The following SORCS3 variants were observed in gnomAD, a reference collection of about 807,000 sequenced individuals.
The protein encoded by SORCS3 is VPS10 domain-containing receptor SorCS3.
A neutral mutation model predicts 146.3 loss-of-function variants in SORCS3; 57 were observed. The ratio of observed to expected loss-of-function variants is 0.39; its 90% CI spans 0.31 to 0.49. The LOEUF (loss-of-function observed/expected upper bound fraction) is 0.49, where lower values mean the gene tolerates loss of function less well. Among genes scored for constraint, SORCS3 ranks in the 20% least tolerant of loss-of-function variants. The pLI is 0.92. For missense variants in SORCS3, 1,341 were observed against 1,575.5 expected (o/e 0.85, Z 2.52); for synonymous variants, 653 against 618.5 (o/e 1.06, Z -0.83).
chr10:104,741,543 CCTT>C (rs1254819021), intron 1 of SORCS3, among the ~76,000 whole-genome samples: 1 of 150,842 alleles, frequency 6.6e-6, no homozygotes, highest in Non-Finnish European at 1.5e-5. Context: ...CTTTTTCTCT[CCTT>C]CTGGAAATCC....
In SORCS3 at chr10:105,200,310, G is replaced by A. The variant is rs150630935; in HGVS notation, c.2127+194G>A. The stretch of plus-strand genomic sequence containing the variant: ...CCAGATGATATTTAGGAACTATCTC[G>A]CACCCTGGGATCCTATCTACTAATT... On this transcript the variant is annotated intron_variant, in intron 15 of 26. Coordinates refer to ENST00000369701, the MANE Select transcript of SORCS3 (RefSeq NM_014978.3). Among the ~76,000 whole-genome samples, 76 of 152,244 alleles carry A rather than the reference G, an allele frequency of 5.0e-4. 1 individual carries two copies. Among genetic ancestry groups the A allele is most frequent in the Middle Eastern group, 3.4e-3 (1 of 294 alleles).
rs2056715598 is a variant in SORCS3, at chr10:105,223,280, G to T, written c.2868+31G>T. 1.9e-6 allele frequency: 3 copies of T among 1,589,646 alleles called. No homozygotes were observed. The South Asian group carries it at 3.4e-5, about 18-fold the overall frequency. ...GCCCTTTCTGATTGATGTCAAATTA[G>T]ATCTGTACTGAATGCTCCTATGTTC... On this transcript the variant is annotated intron_variant, in intron 20 of 26. Coordinates refer to ENST00000369701, the MANE Select transcript of SORCS3 (RefSeq NM_014978.3).
chr10:104,876,706 C>T (rs2018575485), intron 2 of SORCS3, among the ~76,000 whole-genome samples: 1 of 61,424 alleles, frequency 1.6e-5, no homozygotes, highest in Non-Finnish European at 3.0e-5. Flanking sequence ...TCCAGGTTTT[C>T]CTTCCTTCCT....
intron 1 of SORCS3, among the ~76,000 whole-genome samples, chr10:104,710,731 C>G (rs1264683109): frequency 6.7e-6 from 1 of 149,558 alleles, no homozygotes; most frequent in Non-Finnish European, 1.5e-5. Context: ...GTTGTCCATT[C>G]TTGTGGCTCA....
chr10:105,214,235 C>A (rs1007566086), intron 17 of SORCS3, among the ~76,000 whole-genome samples: 1 of 152,110 alleles, frequency 6.6e-6, no homozygotes, highest in Non-Finnish European at 1.5e-5. Context: ...GCTACTCTTA[C>A]CAAGATGGAG....
intron 1 of SORCS3, among the ~76,000 whole-genome samples, chr10:104,791,485 G>A (rs2017495064): frequency 6.6e-6 from 1 of 152,226 alleles, no homozygotes; most frequent in Admixed American, 6.5e-5. Context: ...GCTCGGTGAG[G>A]TTCAAGGATC....
chr10:104,806,856 G>A (rs1414858331), intron 1 of SORCS3, among the ~76,000 whole-genome samples: 1 of 152,178 alleles, frequency 6.6e-6, no homozygotes, highest in Non-Finnish European at 1.5e-5. Context: ...TATCTTGGAT[G>A]TTTTGTGGTT....
intron 1 of SORCS3, among the ~76,000 whole-genome samples, chr10:104,750,505 G>A (rs1239125706): frequency 1.3e-5 from 2 of 152,140 alleles, no homozygotes; most frequent in Non-Finnish European, 2.9e-5. Flanking sequence ...CCTGTCCTTG[G>A]TCCTGCCCTC....
At chr10:104,908,776 G>T (rs1192104126) in intron 2 of SORCS3, among the ~76,000 whole-genome samples, 3 of 152,336 alleles carry the variant, frequency 2.0e-5, no homozygotes, top group South Asian at 4.1e-4. Flanking sequence ...AGAGGAGGGC[G>T]TGGGTGGGAA....
intron 1 of SORCS3, among the ~76,000 whole-genome samples, chr10:104,682,532 G>A (rs1205651898): frequency 6.6e-6 from 1 of 152,168 alleles, no homozygotes; most frequent in African/African-American, 2.4e-5. Context: ...AGTACTTTCA[G>A]CTCTAACATT....
At chr10:104,724,443 A>T (rs2016596863) in intron 1 of SORCS3, among the ~76,000 whole-genome samples, 1 of 151,946 alleles carries the variant, frequency 6.6e-6, no homozygotes, top group African/African-American at 2.4e-5. Flanking sequence ...TGAATCTGAC[A>T]ATTATGTGTC....
chr10:104,777,672 C>A (rs968396595), intron 1 of SORCS3, among the ~76,000 whole-genome samples: 1 of 152,164 alleles, frequency 6.6e-6, no homozygotes, highest in African/African-American at 2.4e-5. Context: ...CAGGACAACC[C>A]TCACAACAAA....
At chr10:105,262,294 T>G (rs1419881237) in intron 25 of SORCS3, 37 bp from the exon 26 acceptor site, 8 of 1,596,428 alleles carry the variant, frequency 5.0e-6, no homozygotes, top group Non-Finnish European at 6.9e-6. Flanking sequence ...TGGCACACCC[T>G]GTGATCTTAA....
At chr10:104,849,666 T>G (rs1700245760) in intron 2 of SORCS3, among the ~76,000 whole-genome samples, 2 of 152,320 alleles carry the variant, frequency 1.3e-5, no homozygotes, top group African/African-American at 4.8e-5. Context: ...CTATCTCATA[T>G]AGGTTTTGTG....
intron 1 of SORCS3, among the ~76,000 whole-genome samples, chr10:104,685,124 T>C (rs1005816195): frequency 6.6e-6 from 1 of 152,120 alleles, no homozygotes; most frequent in African/African-American, 2.4e-5. Flanking sequence ...GGCCTGAAAG[T>C]ACTCAATAGA....
At chr10:104,759,125 A>G (rs375137815) in intron 1 of SORCS3, among the ~76,000 whole-genome samples, 75 of 152,324 alleles carry the variant, frequency 4.9e-4, no homozygotes, top group African/African-American at 1.6e-3. Context: ...ACACAGACAC[A>G]TATAGGGAGG....
At chr10:104,826,546 A>T (rs1253687027) in intron 1 of SORCS3, among the ~76,000 whole-genome samples, 2 of 152,232 alleles carry the variant, frequency 1.3e-5, no homozygotes, top group Non-Finnish European at 2.9e-5. Flanking sequence ...TGTCTAAAAA[A>T]ATGCATACTT....
At chr10:104,749,110 T>G (rs2016949797) in intron 1 of SORCS3, among the ~76,000 whole-genome samples, 1 of 152,136 alleles carries the variant, frequency 6.6e-6, no homozygotes, top group South Asian at 2.1e-4. Context: ...TCTACTGCAG[T>G]TAATTTTTGT....
At chr10:104,957,903 C>G (rs908478644) in intron 3 of SORCS3, among the ~76,000 whole-genome samples, 9 of 152,130 alleles carry the variant, frequency 5.9e-5, no homozygotes, top group Admixed American at 4.6e-4. Context: ...CCAAAACACC[C>G]TAAAAAACCC....
Sources: gnomAD v4.1 joint callset for allele counts (sites outside exome capture counted in the v4.1 genomes callset) on GRCh38, gnomAD v4.1.1 for gene constraint, MANE v1.5 for transcripts, NCBI Gene and HGNC (gene_info 2026-07-23, HGNC 2026-07-21) for gene names.